The following ZNF526 variants were observed in gnomAD, a reference collection of about 807,000 sequenced individuals.
ZNF526 encodes the protein zinc finger protein 526.
A neutral mutation model predicts 32.4 loss-of-function variants in ZNF526; 16 were observed. The ratio of observed to expected loss-of-function variants is 0.49; its 90% CI spans 0.33 to 0.75. The LOEUF (loss-of-function observed/expected upper bound fraction) is 0.75. Ranked by LOEUF, ZNF526 falls within the 30% of genes least tolerant of loss-of-function variation. ZNF526 has a pLI of 0.02. For missense variants in ZNF526, 838 were observed against 920.7 expected, an observed-to-expected ratio of 0.91 and a Z score of 1.16; for synonymous variants, 355 against 363.4, an observed-to-expected ratio of 0.98 and a Z score of 0.26.
At chr19:42,222,261 A>AT (rs1483721200) in intron 1 of ZNF526, among the ~76,000 whole-genome samples, 1 of 151,054 alleles carries the variant, frequency 6.6e-6, no homozygotes, top group Admixed American at 6.6e-5. Flanking sequence ...TAATTTTTGT[A>AT]TTTTTTTTAG....
At chr19:42,223,350 T>C (rs1407027509) in intron 1 of ZNF526, among the ~76,000 whole-genome samples, 1 of 151,258 alleles carries the variant, frequency 6.6e-6, no homozygotes. Context: ...CTACTAAAAA[T>C]ACAAAAATTG....
intron 1 of ZNF526, among the ~76,000 whole-genome samples, chr19:42,223,974 A>AATATATACATATATATATATATATATAT (rs2036146446): frequency 9.0e-6 from 1 of 110,624 alleles, no homozygotes; most frequent in Non-Finnish European, 1.9e-5. Flanking sequence ...TCTCTACTAA[A>AATATATACATATATATATATATATATAT]ATATATATAT....
chr19:42,225,505 G>A lies in ZNF526; in HGVS notation c.1102G>A (p.Gly368Ser), dbSNP rs761231284. Residue 368 changes from glycine (G) to serine (S), a missense_variant, in exon 3 of 3, where the codon GGC becomes AGC. Gly to Ser is a moderately conservative substitution (Grantham distance 56). Coordinates refer to ENST00000301215, the MANE Select transcript of ZNF526 (RefSeq NM_133444.3). ...CTACCTCTGTGTAGACTGTGGCCGC[G>A]GCTTTGGCACAGAACTCACGTTGGT... The part of the protein sequence containing the change: ...ARYLCVDCGR[G>S]FGTELTLVAH... 24 of 1,613,722 alleles carry A rather than the reference G, an allele frequency of 1.5e-5. No individual in the cohort carries two copies. The highest frequency in any genetic ancestry group is 2.7e-5 in the African/African-American group (2 of 74,904).
Position 42,224,001 on chromosome 19 carries a change from A to ATATATATATATATATATATG in ZNF526, c.-108-212_-108-211insTATATATATATATATATGTA, listed in dbSNP as rs2036147330. ...TATATATATATATATATATATATAT[A>ATATATATATATATATATATG]TACAAAAATTAGCCAGGCATGGTGG... On this transcript the variant is annotated intron_variant, in intron 1 of 2. Transcript: ENST00000301215. Among the ~76,000 whole-genome samples the ATATATATATATATATATATG allele has an allele frequency of 2.1e-5, 3 of 140,502 alleles. 1 individual carries two copies. Among genetic ancestry groups the ATATATATATATATATATATG allele is most frequent in the Admixed American group, 7.2e-5 (1 of 13,822 alleles). 92.2% of individuals were successfully genotyped at this position (140,502 alleles called of 152,430 possible). A position where few individuals can be genotyped will look rare whatever the true frequency, so the allele number is the denominator to read the frequency against.
rs1423647397 is a variant in ZNF526, at chr19:42,225,376, C to T, written c.973C>T (p.Arg325Trp). The T allele has an allele frequency of 1.2e-5, 19 of 1,613,872 alleles. No homozygotes were observed. Among genetic ancestry groups the T allele is most frequent in the South Asian group, 2.2e-5 (2 of 91,088 alleles). The change falls in exon 3 of 3, where the codon CGG becomes TGG. Residue 325 changes from arginine (R) to tryptophan (W), a missense_variant. By Grantham distance (101) the Arg-to-Trp change is moderately radical (BLOSUM62 -3). Transcript: ENST00000301215. ...CGCCAACCGGCTGCAGGCTCATGGG[C>T]GGGCCCATGTTGGTGGCACACATGA... ...SSANRLQAHG[R>W]AHVGGTHECT...
chr19:42,222,859 A>G (rs2036136755), intron 1 of ZNF526, among the ~76,000 whole-genome samples: 1 of 152,178 alleles, frequency 6.6e-6, no homozygotes, highest in African/African-American at 2.4e-5. Context: ...AAAAGAGGAG[A>G]GAAGTTTCTT....
At chr19:42,222,778 T>C (rs2036135801) in intron 1 of ZNF526, among the ~76,000 whole-genome samples, 1 of 152,048 alleles carries the variant, frequency 6.6e-6, no homozygotes, top group South Asian at 2.1e-4. Flanking sequence ...CAGGATACCA[T>C]AGGAACCCTG....
chr19:42,224,042 C>G (rs2036148072), intron 1 of ZNF526, among the ~76,000 whole-genome samples, 173 bp from the exon 2 acceptor site: 3 of 144,846 alleles, frequency 2.1e-5, no homozygotes. Context: ...CCCTGTAGTC[C>G]CGGCCACTCA....
Position 42,225,906 on chromosome 19 carries a change from G to T in ZNF526, c.1503G>T (p.Gln501His). The T allele has an allele frequency of 6.2e-7, 1 of 1,614,182 alleles. No homozygotes were observed. Among genetic ancestry groups the T allele is most frequent in the Non-Finnish European group, 8.5e-7 (1 of 1,180,042 alleles). The change falls in exon 3 of 3, where the codon CAG becomes CAT. Residue 501 changes from glutamine (Q) to histidine (H), a missense_variant. By Grantham distance (24) the Gln-to-His change is conservative. Coordinates refer to ENST00000301215, the MANE Select transcript of ZNF526 (RefSeq NM_133444.3). ...CACACACGGGTGAGAGGCCCTTCCA[G>T]TGCCACTCATGTGGCAAGACCTTTG... ...LRTHTGERPF[Q>H]CHSCGKTFAS...
In ZNF526 at chr19:42,226,151, G is replaced by A. The variant is rs142354087; in HGVS notation, c.1748G>A (p.Arg583His). 1.6e-5 allele frequency: 26 copies of A among 1,607,040 alleles called. No homozygotes were observed. Among genetic ancestry groups the A allele is most frequent in the East Asian group, 4.5e-5 (2 of 44,894 alleles). ...YYCGTCGRWF[R>H]AMAGLRLHQR... Reference sequence around the variant, plus strand: ...TGCGGGACTTGTGGCCGCTGGTTCCGCGCCATGGCGGGCTTGCGACTGCAT... The same window carrying A: ...TGCGGGACTTGTGGCCGCTGGTTCCACGCCATGGCGGGCTTGCGACTGCAT... Residue 583 changes from arginine (R) to histidine (H), a missense_variant, in exon 3 of 3, where the codon CGC (arginine) becomes CAC (histidine). Arg to His is a conservative substitution (Grantham distance 29, BLOSUM62 0). Coordinates refer to ENST00000301215, the MANE Select transcript of ZNF526 (RefSeq NM_133444.3).
intron 1 of ZNF526, among the ~76,000 whole-genome samples, chr19:42,222,976 G>C (rs960970102): frequency 2.0e-5 from 3 of 152,220 alleles, no homozygotes; most frequent in African/African-American, 7.2e-5. Context: ...CTTTGTGTCA[G>C]TACTACTTTT....
chr19:42,224,195 G>T lies in ZNF526; in HGVS notation c.-108-20G>T, dbSNP rs2036149482. On this transcript the variant is annotated intron_variant, in intron 1 of 2. Transcript: ENST00000301215. ...AAAAAAAAAAAAGAGGCTGGGCTGA[G>T]TGGTGTTTCTCTCCTGCAGGCTGCC... 2 of 589,180 alleles carry T rather than the reference G, an allele frequency of 3.4e-6. No individual in the cohort carries two copies. The highest frequency in any genetic ancestry group is 3.0e-6 in the Non-Finnish European group (1 of 329,190). 36.5% of individuals were successfully genotyped at this position (589,180 alleles called of 1,614,324 possible).
chr19:42,224,261 G>T lies in ZNF526; in HGVS notation c.-62G>T, dbSNP rs1397412244. ...GCTTCAGAGACATGGGATCACGGAAGACTGAAGCAGAAACAGTGGATTAAG... is the reference window on the plus strand; with the variant it reads ...GCTTCAGAGACATGGGATCACGGAATACTGAAGCAGAAACAGTGGATTAAG... On this transcript the variant is annotated 5_prime_UTR_variant, in exon 2 of 3. Transcript: ENST00000301215. 4.0e-6 allele frequency: 3 copies of T among 743,806 alleles called. No homozygotes were observed. In the African/African-American group the frequency reaches 5.2e-5, roughly 13 times the overall value. The allele number at this position is 743,806 out of a possible 1,614,324, so 46.1% of individuals were successfully genotyped here. A position where few individuals can be genotyped will look rare whatever the true frequency, so the allele number is the denominator to read the frequency against.
At position 42,225,435 on chromosome 19, in the gene ZNF526, A is replaced by T. The variant is rs1334376868; in HGVS notation, c.1032A>T (p.Ala344=). ...CTTCSKVFKK[A]ASLEQHLRLH... is the part of the protein sequence containing the mutation. ...CCTGCTCCAAGGTCTTCAAGAAAGC[A>T]GCATCGCTTGAGCAGCACTTGCGGC... The change falls in exon 3 of 3, where the codon GCA becomes GCT. Residue 344 remains alanine (A), a synonymous_variant. Transcript: ENST00000301215. 6.2e-7 allele frequency: 1 copy of T among 1,614,162 alleles called. No individual in the cohort carries two copies. The highest frequency in any genetic ancestry group is 1.7e-5 in the Admixed American group (1 of 60,036).
chr19:42,226,137 T>C lies in ZNF526; in HGVS notation c.1734T>C (p.Cys578=). The change falls in exon 3 of 3, where the codon TGT becomes TGC. Residue 578 remains cysteine (C), a synonymous_variant. Transcript: ENST00000301215. ...AGAGTCCCTACTACTGCGGGACTTG[T>C]GGCCGCTGGTTCCGCGCCATGGCGG... The part of the protein sequence containing the change: ...YNKSPYYCGT[C]GRWFRAMAGL... 6.2e-7 allele frequency: 1 copy of C among 1,606,652 alleles called. No individual in the cohort carries two copies. Among genetic ancestry groups the C allele is most frequent in the Non-Finnish European group, 8.5e-7 (1 of 1,180,004 alleles).
In ZNF526 at chr19:42,225,885, C is replaced by T; in HGVS notation, c.1482C>T (p.His494=). 2 of 1,614,234 alleles carry T rather than the reference C, an allele frequency of 1.2e-6. No homozygotes were observed. The highest frequency in any genetic ancestry group is 1.7e-6 in the Non-Finnish European group (2 of 1,180,046). Residue 494 remains histidine, a synonymous_variant, in exon 3 of 3, where the codon CAC becomes CAT. Coordinates refer to ENST00000301215, the MANE Select transcript of ZNF526 (RefSeq NM_133444.3). The part of the protein sequence containing the change: ...LIHVRNHLRT[H]TGERPFQCHS... ...ACGTGCGCAACCACCTGCGGACACACACGGGTGAGAGGCCCTTCCAGTGCC... is the reference window on the plus strand; with the variant it reads ...ACGTGCGCAACCACCTGCGGACACATACGGGTGAGAGGCCCTTCCAGTGCC...
Position 42,227,402 on chromosome 19 carries a change from A to AT in ZNF526, c.*987dup, listed in dbSNP as rs1320423827. On this transcript the variant is annotated 3_prime_UTR_variant, in exon 3 of 3. Transcript: ENST00000301215. ...AGGCAAGCACCACACTTACCACTGT[A>AT]TGTGTACTATGATCCCAACAGGCTT... 6.0e-6 allele frequency: 1 copy of AT among 167,132 alleles called. No homozygotes were observed. The highest frequency in any genetic ancestry group is 2.4e-5 in the African/African-American group (1 of 41,454). The allele number at this position is 167,132 out of a possible 1,614,324, so 10.4% of individuals were successfully genotyped here. A position where few individuals can be genotyped will look rare whatever the true frequency, so the allele number is the denominator to read the frequency against.
chr19:42,223,517 T>C (rs1277173923), intron 1 of ZNF526, among the ~76,000 whole-genome samples: 1 of 152,112 alleles, frequency 6.6e-6, no homozygotes, highest in Non-Finnish European at 1.5e-5. Context: ...TGCAGGCGCC[T>C]GTAGTCCCAG....
rs748119413 is a variant in ZNF526, at chr19:42,226,072, G to GCCCGCGCCC, written c.1675_1683dup (p.Ala559_Arg561dup). On this transcript the variant is annotated inframe_insertion, in exon 3 of 3. Transcript: ENST00000301215. ...GTTGCACTTGCGGCCAGTCGCCTTT[G>GCCCGCGCCC]CCCGCGCCCCCCGCCTCCCCATCAC... 1.9e-6 allele frequency: 3 copies of GCCCGCGCCC among 1,607,950 alleles called. No individual in the cohort carries two copies.
Sources: allele counts gnomAD v4.1 joint callset (sites outside exome capture counted in the v4.1 genomes callset), GRCh38; gene constraint gnomAD v4.1.1; transcripts MANE v1.5; gene names NCBI Gene and HGNC (gene_info 2026-07-23, HGNC 2026-07-21).